Variants in CCDC80 observed in about 807,000 individuals in gnomAD.
The protein encoded by CCDC80 is coiled-coil domain containing 80.
In CCDC80, 49 loss-of-function variants were observed where a neutral mutation model predicts 78.7. The observed-to-expected ratio is 0.62, with a 90% CI of 0.50 to 0.79. The LOEUF (loss-of-function observed/expected upper bound fraction) is 0.79. Ranked by LOEUF, CCDC80 falls within the 30% of genes least tolerant of loss-of-function variation. CCDC80 has a pLI of 0.00. For synonymous variants in CCDC80, 488 were observed against 447.0 expected, an observed-to-expected ratio of 1.09 and a Z score of -1.16; for missense variants, 1,205 against 1,198.6, an observed-to-expected ratio of 1.01 and a Z score of -0.08.
At chr3:112,633,609 A>C (rs566033660) in intron 2 of CCDC80, among the ~76,000 whole-genome samples, 1 of 152,262 alleles carries the variant, frequency 6.6e-6, no homozygotes, top group African/African-American at 2.4e-5. Flanking sequence ...CTCAGGAATA[A>C]AGGGGTCCCC....
Position 112,598,870 on chromosome 3 carries a change from A to G in CCDC80, c.*6547T>C, listed in dbSNP as rs1267760781. 1 of 152,208 alleles carries G rather than the reference A, an allele frequency of 6.6e-6. No individual in the cohort carries two copies. The highest frequency in any genetic ancestry group is 6.5e-5 in the Admixed American group (1 of 15,268). 9.4% of individuals were successfully genotyped at this position (152,208 alleles called of 1,614,324 possible). On this transcript the variant is annotated 3_prime_UTR_variant, in exon 8 of 8. Coordinates refer to ENST00000206423, the MANE Select transcript of CCDC80 (RefSeq NM_199511.3). ...TCTGTGTGTTGGAGGTGATGACCTC[A>G]TTGAGTCTCAGCCACAGCAGGGCAT...
At chr3:112,637,636 A>G (rs1227278181) in intron 2 of CCDC80, among the ~76,000 whole-genome samples, 1 of 152,234 alleles carries the variant, frequency 6.6e-6, no homozygotes, top group African/African-American at 2.4e-5. Flanking sequence ...CCTTTTAGGA[A>G]TTTCATCTTT....
chr3:112,631,877 T>TTTTTG (rs1365113277), intron 2 of CCDC80, among the ~76,000 whole-genome samples: 3 of 152,160 alleles, frequency 2.0e-5, no homozygotes, highest in East Asian at 1.9e-4. Flanking sequence ...TGGGATGAAG[T>TTTTTG]TTTTGTTTTG....
intron 3 of CCDC80, among the ~76,000 whole-genome samples, chr3:112,623,453 C>T (rs991545092): frequency 5.3e-5 from 8 of 152,160 alleles, no homozygotes; most frequent in Non-Finnish European, 1.0e-4. Flanking sequence ...TTTAGCCTCT[C>T]GCATTCCTTT....
intron 2 of CCDC80, among the ~76,000 whole-genome samples, chr3:112,636,785 T>C (rs749852297): frequency 2.6e-5 from 4 of 152,214 alleles, no homozygotes; most frequent in Admixed American, 6.5e-5. Flanking sequence ...CTGCCCTCAA[T>C]GGCATGAGTT....
intron 2 of CCDC80, among the ~76,000 whole-genome samples, chr3:112,633,802 G>A (rs753785351): frequency 6.6e-6 from 1 of 152,100 alleles, no homozygotes; most frequent in Non-Finnish European, 1.5e-5. Flanking sequence ...TTTCTAGTTG[G>A]GCTGTATTTC....
Position 112,605,307 on chromosome 3 carries a change from A to T in CCDC80, c.*110T>A. ...TTTATTTAGTCTTAGAAAAACACTG[A>T]AAGAAAAAGGCAGGAAATGTAGTAC... is the stretch of plus-strand genomic sequence containing the variant. On this transcript the variant is annotated 3_prime_UTR_variant, in exon 8 of 8. Transcript: ENST00000206423. 1.4e-6 allele frequency: 1 copy of T among 702,378 alleles called. No homozygotes were observed. Among genetic ancestry groups the T allele is most frequent in the Non-Finnish European group, 2.3e-6 (1 of 430,738 alleles). 43.5% of individuals were successfully genotyped at this position (702,378 alleles called of 1,614,324 possible).
Position 112,605,292 on chromosome 3 carries a change from C to T in CCDC80, c.*125G>A, listed in dbSNP as rs990823890. On this transcript the variant is annotated 3_prime_UTR_variant, in exon 8 of 8. Coordinates refer to ENST00000206423, the MANE Select transcript of CCDC80 (RefSeq NM_199511.3). ...GGTGAAAGTTTGCTATTTATTTAGT[C>T]TTAGAAAAACACTGAAAGAAAAAGG... 6 of 627,998 alleles carry T rather than the reference C, an allele frequency of 9.6e-6. No individual in the cohort carries two copies. The highest frequency in any genetic ancestry group is 1.4e-5 in the Non-Finnish European group (5 of 370,136). The allele number at this position is 627,998 out of a possible 1,614,324, so 38.9% of individuals were successfully genotyped here. A position where few individuals can be genotyped will look rare whatever the true frequency, so the allele number is the denominator to read the frequency against.
At position 112,597,043 on chromosome 3, in the gene CCDC80, A is replaced by T. The variant is rs1381421806; in HGVS notation, c.*8374T>A. 6.6e-6 allele frequency: 1 copy of T among 152,172 alleles called. No individual in the cohort carries two copies. Among genetic ancestry groups the T allele is most frequent in the African/African-American group, 2.4e-5 (1 of 41,442 alleles). 9.4% of individuals were successfully genotyped at this position (152,172 alleles called of 1,614,324 possible). A position where few individuals can be genotyped will look rare whatever the true frequency, so the allele number is the denominator to read the frequency against. Reference sequence around the variant, plus strand: ...TCTGGTCATGTTATCAGCCAGTCTTACTTAATGTATTAGGCCAGTTGGAAA... The same window carrying T: ...TCTGGTCATGTTATCAGCCAGTCTTTCTTAATGTATTAGGCCAGTTGGAAA... On this transcript the variant is annotated 3_prime_UTR_variant, in exon 8 of 8. Coordinates refer to ENST00000206423, the MANE Select transcript of CCDC80 (RefSeq NM_199511.3).
At chr3:112,625,493 A>G (rs902748167) in intron 3 of CCDC80, among the ~76,000 whole-genome samples, 1 of 152,226 alleles carries the variant, frequency 6.6e-6, no homozygotes, top group African/African-American at 2.4e-5. Context: ...GTGTAAGAAC[A>G]AAATATTGAA....
At chr3:112,635,922 A>G (rs904355047) in intron 2 of CCDC80, among the ~76,000 whole-genome samples, 3 of 152,082 alleles carry the variant, frequency 2.0e-5, no homozygotes, top group African/African-American at 7.2e-5. Flanking sequence ...AAGGAGGGAG[A>G]AATGAAAAGT....
chr3:112,609,058 T>G (rs1419583243), intron 6 of CCDC80, among the ~76,000 whole-genome samples: 3 of 152,140 alleles, frequency 2.0e-5, no homozygotes, highest in African/African-American at 7.2e-5. Flanking sequence ...AATGGAGAAT[T>G]TTTTAATTTG....
chr3:112,600,160 C>T lies in CCDC80; in HGVS notation c.*5257G>A, dbSNP rs557679306. On this transcript the variant is annotated 3_prime_UTR_variant, in exon 8 of 8. Coordinates refer to ENST00000206423, the MANE Select transcript of CCDC80 (RefSeq NM_199511.3). Reference sequence around the variant, plus strand: ...AATCCTCACAGTTTCAGAGATATGCCTTGTATTTTTCCAGATTATAGGCTT... The same window carrying T: ...AATCCTCACAGTTTCAGAGATATGCTTTGTATTTTTCCAGATTATAGGCTT... The T allele has an allele frequency of 1.3e-5, 2 of 152,256 alleles. No individual in the cohort carries two copies. Among genetic ancestry groups the T allele is most frequent in the East Asian group, 3.9e-4 (2 of 5,180 alleles). 9.4% of individuals were successfully genotyped at this position (152,256 alleles called of 1,614,324 possible).
At position 112,638,131 on chromosome 3, in the gene CCDC80, T is replaced by A. The variant is rs1327122717; in HGVS notation, c.1775A>T (p.Glu592Val). 1 of 1,614,082 alleles carries A rather than the reference T, an allele frequency of 6.2e-7. No individual in the cohort carries two copies. The highest frequency in any genetic ancestry group is 1.3e-5 in the African/African-American group (1 of 74,914). Residue 592 changes from glutamate (E) to valine (V), a missense_variant, in exon 2 of 8, where the codon GAA becomes GTA. Physicochemically the swap from Glu to Val is moderately radical, Grantham distance 121. Transcript: ENST00000206423. ...GGTGGGTTTCTGATAGCCATCCTGT[T>A]CTGTTTTACCTCCTTTTTTCTTCTT... is the stretch of plus-strand genomic sequence containing the variant. The part of the protein sequence containing the change: ...KSKKKKGGKT[E>V]QDGYQKPTNK...
At position 112,598,393 on chromosome 3, in the gene CCDC80, G is replaced by A. The variant is rs1935319195; in HGVS notation, c.*7024C>T. On this transcript the variant is annotated 3_prime_UTR_variant, in exon 8 of 8. Transcript: ENST00000206423. ...TATCAGTTCCACCTAATCAACTGTA[G>A]TCATCTGAGAGCCAGAATTATTATT... 1 of 152,272 alleles carries A rather than the reference G, an allele frequency of 6.6e-6. No individual in the cohort carries two copies. The allele number at this position is 152,272 out of a possible 1,614,324, so 9.4% of individuals were successfully genotyped here.
At chr3:112,629,818 T>G (rs1009669886) in intron 3 of CCDC80, among the ~76,000 whole-genome samples, 3 of 152,224 alleles carry the variant, frequency 2.0e-5, no homozygotes, top group African/African-American at 7.2e-5. Flanking sequence ...AGTGTCTGAA[T>G]GCCTCTCTGA....
intron 6 of CCDC80, 137 bp downstream of exon 6, chr3:112,609,841 G>A: frequency 1.6e-6 from 1 of 631,428 alleles, no homozygotes; most frequent in South Asian, 2.3e-5. Context: ...ACTCAATATA[G>A]TAGAGTATGT....
chr3:112,633,567 T>G (rs1327424742), intron 2 of CCDC80, among the ~76,000 whole-genome samples: 1 of 152,200 alleles, frequency 6.6e-6, no homozygotes, highest in Non-Finnish European at 1.5e-5. Flanking sequence ...TCCGGTTATA[T>G]AGATCACCCT....
chr3:112,612,061 T>TTTTTAA (rs1553746183), intron 5 of CCDC80, among the ~76,000 whole-genome samples: 1 of 137,476 alleles, frequency 7.3e-6, no homozygotes, highest in South Asian at 2.3e-4. Context: ...TTTTTTTTTT[T>TTTTTAA]AAAAAGGGAA....
Sources: allele counts gnomAD v4.1 joint callset (sites outside exome capture counted in the v4.1 genomes callset), GRCh38; gene constraint gnomAD v4.1.1; transcripts MANE v1.5; gene names NCBI Gene and HGNC (gene_info 2026-07-23, HGNC 2026-07-21).